GABRG3: variants seen among roughly 807,000 people sequenced by gnomAD.
The protein encoded by GABRG3 is gamma-aminobutyric acid type A receptor subunit gamma3.
GABRG3 carries 25 observed loss-of-function variants against 48.8 expected under a neutral mutation model. That is an observed-to-expected ratio of 0.51 (90% CI 0.37 to 0.72). GABRG3 has a LOEUF of 0.72. GABRG3 is among the 30% of genes least tolerant of loss of function. The probability of loss-of-function intolerance (pLI) is 0.00; values close to 1 mark genes in which losing one functional copy is unlikely to be tolerated. For missense variants in GABRG3, 394 were observed against 577.9 expected (o/e 0.68, Z 3.26); for synonymous variants, 227 against 217.6 (o/e 1.04, Z -0.38).
rs773932238 is a variant in GABRG3 at position 27,540,853 on chromosome 15, C to T, written c.*7972C>T. On this transcript the variant is annotated 3_prime_UTR_variant, in exon 10 of 10. Coordinates refer to ENST00000615808, the MANE Select transcript of GABRG3 (RefSeq NM_033223.5). ...GTCTGTGTATTTGTGTCTGTACGTACAGTGGTAAAACTGAAACAACTTATT... is the reference window on the plus strand; with the variant it reads ...GTCTGTGTATTTGTGTCTGTACGTATAGTGGTAAAACTGAAACAACTTATT... 2 of 152,182 alleles carry T rather than the reference C, an allele frequency of 1.3e-5. No individual in the cohort carries two copies. The highest frequency in any genetic ancestry group is 2.9e-5 in the Non-Finnish European group (2 of 68,040). 9.4% of individuals were successfully genotyped at this position (152,182 alleles called of 1,614,324 possible).
intron 3 of GABRG3, among the ~76,000 whole-genome samples, chr15:27,057,790 G>A (rs372397395): frequency 3.3e-5 from 5 of 152,230 alleles, no homozygotes; most frequent in Non-Finnish European, 7.4e-5. Context: ...CCATTTAATC[G>A]AGACATAGAA....
intron 3 of GABRG3, chr15:27,295,018 G>A (rs979373195): frequency 1.3e-5 from 2 of 152,136 alleles, no homozygotes; most frequent in Non-Finnish European, 2.9e-5. Flanking sequence ...AAGGACAAAT[G>A]AAGCACTGGT....
Position 27,398,429 on chromosome 15 carries a change from A to T in GABRG3, c.574+69541A>T, listed in dbSNP as rs377235016. ...ATTTATAAATATTTATTGGGAAATC[A>T]CAAATATATGTATTCATACGTGTGT... On this transcript the variant is annotated intron_variant, in intron 5 of 9. Transcript: ENST00000615808. 3.0e-4 allele frequency among the ~76,000 whole-genome samples: 46 copies of T among 152,332 alleles called. No homozygotes were observed. The East Asian group carries it at 5.4e-3, about 18-fold the overall frequency.
intron 2 of GABRG3, among the ~76,000 whole-genome samples, chr15:27,024,723 A>G (rs922393025): frequency 6.6e-5 from 10 of 152,178 alleles, no homozygotes; most frequent in African/African-American, 1.9e-4. Flanking sequence ...CGTTAGCATG[A>G]CTGCTTAAAA....
chr15:27,455,938 C>T (rs1595765657), intron 5 of GABRG3, among the ~76,000 whole-genome samples: 1 of 152,172 alleles, frequency 6.6e-6, no homozygotes, highest in East Asian at 1.9e-4. Flanking sequence ...CGTGTCCAGA[C>T]TCTAGGATAA....
chr15:27,004,823 A>G (rs1895551480), intron 2 of GABRG3, among the ~76,000 whole-genome samples: 1 of 152,208 alleles, frequency 6.6e-6, no homozygotes, highest in African/African-American at 2.4e-5. Flanking sequence ...TTGCTGTAAA[A>G]TAAACCGCCT....
chr15:27,243,267 C>G (rs192822800), intron 3 of GABRG3, among the ~76,000 whole-genome samples: 1 of 152,152 alleles, frequency 6.6e-6, no homozygotes, highest in Non-Finnish European at 1.5e-5. Context: ...ATGTTACCAT[C>G]GTGAACGCTG....
chr15:27,219,568 C>T (rs1889383748), intron 3 of GABRG3, among the ~76,000 whole-genome samples: 1 of 152,134 alleles, frequency 6.6e-6, no homozygotes, highest in South Asian at 2.1e-4. Context: ...GATGCAGCAT[C>T]CCACCCCTCT....
intron 5 of GABRG3, among the ~76,000 whole-genome samples, chr15:27,395,917 G>A (rs1436063273): frequency 6.6e-6 from 1 of 152,098 alleles, no homozygotes; most frequent in Non-Finnish European, 1.5e-5. Context: ...CTGGAGTGCA[G>A]TGGCATGATC....
At chr15:27,407,350 A>ATAT (rs1887669617) in intron 5 of GABRG3, among the ~76,000 whole-genome samples, 2 of 152,204 alleles carry the variant, frequency 1.3e-5, no homozygotes, top group African/African-American at 4.8e-5. Context: ...AGGAACTCTC[A>ATAT]TGTATTGCTG....
chr15:27,189,540 G>A (rs1445869873), intron 3 of GABRG3, among the ~76,000 whole-genome samples: 1 of 151,618 alleles, frequency 6.6e-6, no homozygotes, highest in Non-Finnish European at 1.5e-5. Flanking sequence ...GTCTGTTATT[G>A]GTGTATAAGA....
At chr15:27,430,516 G>T (rs1341616671) in intron 5 of GABRG3, among the ~76,000 whole-genome samples, 1 of 151,988 alleles carries the variant, frequency 6.6e-6, no homozygotes, top group Non-Finnish European at 1.5e-5. Flanking sequence ...TCTTCTAAGG[G>T]TTTTATAGTT....
At chr15:27,239,565 T>G (rs1188908992) in intron 3 of GABRG3, among the ~76,000 whole-genome samples, 4 of 152,238 alleles carry the variant, frequency 2.6e-5, no homozygotes, top group Non-Finnish European at 5.9e-5. Flanking sequence ...TTAGGCTAAT[T>G]TTAAATATTT....
chr15:27,409,619 A>G (rs1302296596), intron 5 of GABRG3, among the ~76,000 whole-genome samples: 1 of 152,086 alleles, frequency 6.6e-6, no homozygotes, highest in Admixed American at 6.6e-5. Context: ...TATCTTATGT[A>G]GCAAAAAAAA....
At chr15:27,035,065 A>G (rs2140690914) in intron 3 of GABRG3, among the ~76,000 whole-genome samples, 1 of 152,304 alleles carries the variant, frequency 6.6e-6, no homozygotes, top group Non-Finnish European at 1.5e-5. Context: ...GAGAGTTCAT[A>G]GGCCGTCCAT....
At chr15:27,110,157 CTTT>C (rs983629240) in intron 3 of GABRG3, among the ~76,000 whole-genome samples, 27 of 151,926 alleles carry the variant, frequency 1.8e-4, no homozygotes, top group African/African-American at 6.5e-4. Flanking sequence ...TTTCATTTAT[CTTT>C]TTTTAAGCAT....
At chr15:27,227,788 C>T (rs1403306487) in intron 3 of GABRG3, among the ~76,000 whole-genome samples, 1 of 151,976 alleles carries the variant, frequency 6.6e-6, no homozygotes, top group African/African-American at 2.4e-5. Flanking sequence ...AACCTTATTC[C>T]ACCATAACTA....
chr15:27,085,938 A>G (rs1390340852), intron 3 of GABRG3, among the ~76,000 whole-genome samples: 1 of 152,196 alleles, frequency 6.6e-6, no homozygotes, highest in Non-Finnish European at 1.5e-5. Context: ...TGTACTTTAT[A>G]GTAACTAACA....
At chr15:27,235,795 T>C (rs541699041) in intron 3 of GABRG3, among the ~76,000 whole-genome samples, 3 of 152,164 alleles carry the variant, frequency 2.0e-5, no homozygotes, top group South Asian at 4.2e-4. Context: ...ACAAAGAACA[T>C]TGTAGAGGAA....
Sources: gnomAD v4.1 joint callset for allele counts (sites outside exome capture counted in the v4.1 genomes callset) on GRCh38, gnomAD v4.1.1 for gene constraint, MANE v1.5 for transcripts, NCBI Gene and HGNC (gene_info 2026-07-23, HGNC 2026-07-21) for gene names.